CLASRP: variants seen among roughly 807,000 people sequenced by gnomAD.
CLASRP encodes CLK4-associating serine/arginine rich protein.
In CLASRP, 52 loss-of-function variants were observed where a neutral mutation model predicts 99.9. The observed-to-expected ratio is 0.52, with a 90% CI of 0.42 to 0.66. The LOEUF is 0.66. Among genes scored for constraint, CLASRP ranks in the 30% least tolerant of loss-of-function variants. The pLI is 0.00. For synonymous variants in CLASRP, 379 were observed against 373.0 expected (o/e 1.02, Z -0.18); for missense variants, 848 against 999.2 (o/e 0.85, Z 2.04).
chr19:45,060,564 C>G lies in CLASRP; in HGVS notation c.800C>G (p.Ser267Cys), dbSNP rs1222691401. ...CCCACCCTACTCCAGGGACGCCGCT[C>G]TCGACGCCAGCGGAGAGAGTTTCGG... Reference protein sequence around the residue: ...EEKAMYSGRRSRRQRREFREK... With the variant: ...EEKAMYSGRRCRRQRREFREK... The change falls in exon 10 of 21, where the codon TCT (serine) becomes TGT (cysteine). Residue 267 changes from serine to cysteine, a missense_variant. Ser to Cys is a moderately radical substitution (Grantham distance 112). Coordinates refer to ENST00000221455, the MANE Select transcript of CLASRP (RefSeq NM_007056.3). This position sits in a 1 kb window ranked among gnomAD's most constrained non-coding sequence, Gnocchi z 4.6. 6.2e-7 allele frequency: 1 copy of G among 1,613,298 alleles called. No individual in the cohort carries two copies.
intron 2 of CLASRP, among the ~76,000 whole-genome samples, chr19:45,043,618 C>T (rs570199945): frequency 4.6e-5 from 7 of 152,140 alleles, no homozygotes; most frequent in Non-Finnish European, 1.0e-4. Flanking sequence ...ACCCCCAGGC[C>T]ATGTGAGAGA....
chr19:45,064,740 C>T, intron 13 of CLASRP, 110 bp downstream of exon 13: 1 of 1,441,170 alleles, frequency 6.9e-7, no homozygotes. Flanking sequence ...CAGAGAACAC[C>T]CCATCTAAGG....
At chr19:45,051,915 C>T (rs1163889608) in intron 2 of CLASRP, among the ~76,000 whole-genome samples, 156 bp from the exon 3 acceptor site, 60 of 151,986 alleles carry the variant, frequency 3.9e-4, no homozygotes, top group East Asian at 7.8e-4. Context: ...TTGCAGTGAG[C>T]CGAGACAGCA....
intron 7 of CLASRP, chr19:45,058,168 C>T: frequency 2.1e-6 from 1 of 480,612 alleles, no homozygotes; most frequent in South Asian, 2.3e-5. Context: ...TCCACTTGGG[C>T]CGGCCTCTCT....
At chr19:45,056,347 T>A in intron 5 of CLASRP, 103 bp from the exon 6 acceptor site, 1 of 927,864 alleles carries the variant, frequency 1.1e-6, no homozygotes, top group Non-Finnish European at 1.8e-6. Flanking sequence ...CAAGGTGCAC[T>A]GGGGTTGCAC....
chr19:45,069,813 G>A (rs949508489), intron 18 of CLASRP: 4 of 565,780 alleles, frequency 7.1e-6, no homozygotes, highest in Non-Finnish European at 9.5e-6. Context: ...TGTTCCCCAG[G>A]CTTTCCTAGG....
chr19:45,061,809 C>A lies in CLASRP; in HGVS notation c.864-345C>A, dbSNP rs181625886. Among the ~76,000 whole-genome samples, 9 of 151,806 alleles carry A rather than the reference C, an allele frequency of 5.9e-5. No individual in the cohort carries two copies. In the East Asian group the frequency reaches 1.7e-3, roughly 29 times the overall value. The stretch of plus-strand genomic sequence containing the variant: ...TTATCATCATCATCATCATCATCAT[C>A]ATTAGTAAGCCCGGACCCAGTGAGA... On this transcript the variant is annotated intron_variant, in intron 10 of 20. Transcript: ENST00000221455.
rs1045300998 is a variant in CLASRP at position 45,070,853 on chromosome 19, A to AG, written c.*9dup. 7 of 909,014 alleles carry AG rather than the reference A, an allele frequency of 7.7e-6. No individual in the cohort carries two copies. The highest frequency in any genetic ancestry group is 1.1e-5 in the Non-Finnish European group (7 of 611,420). 56.3% of individuals were successfully genotyped at this position (909,014 alleles called of 1,614,324 possible). On this transcript the variant is annotated 3_prime_UTR_variant, in exon 21 of 21. Transcript: ENST00000221455. ...CCCCATTACCGACATTAGGCAGAAG[A>AG]GTGGGGGGTGGGGAGGACAAGGGGG...
At position 45,042,511 on chromosome 19, in the gene CLASRP, T is replaced by TTATATA. The variant is rs527367247; in HGVS notation, c.99+2212_99+2217dup. ...TGAGACTCCATCTCAAAAAAAAAAT[T>TTATATA]TATATATATATATATATGTGTGTGT... is the stretch of plus-strand genomic sequence containing the variant. On this transcript the variant is annotated intron_variant, in intron 2 of 20. Coordinates refer to ENST00000221455, the MANE Select transcript of CLASRP (RefSeq NM_007056.3). 2.9e-3 allele frequency among the ~76,000 whole-genome samples: 432 copies of TTATATA among 148,606 alleles called. 3 individuals are homozygous for TTATATA. The highest frequency in any genetic ancestry group is 0.01 in the African/African-American group (419 of 40,568).
intron 13 of CLASRP, 50 bp downstream of exon 13, chr19:45,064,680 C>A (rs1357884642): frequency 2.0e-6 from 3 of 1,492,676 alleles, no homozygotes; most frequent in Non-Finnish European, 2.7e-6. Flanking sequence ...GGCGCGGTCT[C>A]CGATCCTGGG....
In CLASRP at chr19:45,053,201, G is replaced by T. The variant is rs1123439; in HGVS notation, c.379+24G>T. The T allele has an allele frequency of 3.1e-6, 5 of 1,612,310 alleles. No homozygotes were observed. The South Asian group carries it at 4.4e-5, about 14-fold the overall frequency. ...CAGTGAGTGATCTGTGGGGGGACGT[G>T]GGGTGTGGGGTTTGAGCCTGGAGCC... On this transcript the variant is annotated intron_variant, in intron 5 of 20. Transcript: ENST00000221455.
intron 5 of CLASRP, among the ~76,000 whole-genome samples, chr19:45,055,315 C>G (rs1972100759): frequency 6.6e-6 from 1 of 152,216 alleles, no homozygotes; most frequent in Admixed American, 6.5e-5. Context: ...GCAGCCTGTG[C>G]AAAGCCCTGT....
At chr19:45,043,456 T>C (rs1971855961) in intron 2 of CLASRP, among the ~76,000 whole-genome samples, 1 of 149,724 alleles carries the variant, frequency 6.7e-6, no homozygotes, top group Non-Finnish European at 1.5e-5. Flanking sequence ...CATACGTATA[T>C]GCACATACCC....
chr19:45,057,005 G>A (rs941479824), intron 6 of CLASRP, among the ~76,000 whole-genome samples: 4 of 152,182 alleles, frequency 2.6e-5, no homozygotes, highest in Non-Finnish European at 5.9e-5. Context: ...TTAAAGCCGC[G>A]TCCCTCAAGG....
Position 45,064,354 on chromosome 19 carries a change from C to T in CLASRP, c.1133C>T (p.Ser378Phe). Residue 378 changes from serine (S) to phenylalanine (F), a missense_variant, in exon 13 of 21, where the codon TCC (serine) becomes TTC (phenylalanine). Coordinates refer to ENST00000221455, the MANE Select transcript of CLASRP (RefSeq NM_007056.3). The part of the protein sequence containing the change: ...GRNASARRRS[S>F]SSSSSSSASR... ...TGCCCCGCCTGCAGCCGCCGCTCCTCCTCCTCCTCCTCCTCCTCTTCTGCC... is the reference window on the plus strand; with the variant it reads ...TGCCCCGCCTGCAGCCGCCGCTCCTTCTCCTCCTCCTCCTCCTCTTCTGCC... 1 of 1,527,168 alleles carries T rather than the reference C, an allele frequency of 6.5e-7. No individual in the cohort carries two copies. Among genetic ancestry groups the T allele is most frequent in the Non-Finnish European group, 8.8e-7 (1 of 1,140,120 alleles). The allele number at this position is 1,527,168 out of a possible 1,614,324, so 94.6% of individuals were successfully genotyped here.
chr19:45,065,327 T>C (rs1600113536), intron 13 of CLASRP, among the ~76,000 whole-genome samples: 1 of 147,406 alleles, frequency 6.8e-6, no homozygotes, highest in South Asian at 2.1e-4. Flanking sequence ...GAAGCAGAGG[T>C]TGCAATGAGC....
chr19:45,053,044 T>TG (rs1329312398), intron 4 of CLASRP, 54 bp from the exon 5 acceptor site: 152 of 1,585,346 alleles, frequency 9.6e-5, no homozygotes, highest in African/African-American at 2.8e-4. Context: ...CCTGCTGGCT[T>TG]GGGGGGGGAT....
rs576163305 is a variant in CLASRP, at chr19:45,043,968, G to A, written c.99+3657G>A. 1.6e-4 allele frequency among the ~76,000 whole-genome samples: 25 copies of A among 151,900 alleles called. No individual in the cohort carries two copies. In the South Asian group the frequency reaches 4.8e-3, roughly 29 times the overall value. On this transcript the variant is annotated intron_variant, in intron 2 of 20. Coordinates refer to ENST00000221455, the MANE Select transcript of CLASRP (RefSeq NM_007056.3). Reference sequence around the variant, plus strand: ...ACGATCTCGGCTCAGTGCAACCTCCGCCTCCCGGGTTCAAGCAATTCTCCT... The same window carrying A: ...ACGATCTCGGCTCAGTGCAACCTCCACCTCCCGGGTTCAAGCAATTCTCCT...
intron 4 of CLASRP, 91 bp downstream of exon 4, chr19:45,052,983 C>T (rs991856896): frequency 7.9e-6 from 12 of 1,517,276 alleles, no homozygotes; most frequent in Admixed American, 7.0e-5. Context: ...TCCTAGGAGC[C>T]GTTCCTATTT....
Sources: gnomAD v4.1 joint callset for allele counts (sites outside exome capture counted in the v4.1 genomes callset) on GRCh38, gnomAD v4.1.1 for gene constraint, Gnocchi (gnomAD v3.1) non-coding constraint, MANE v1.5 for transcripts, NCBI Gene and HGNC (gene_info 2026-07-23, HGNC 2026-07-21) for gene names.